The following TRHDE variants were observed in gnomAD, a reference collection of about 807,000 sequenced individuals.
TRHDE encodes the protein thyrotropin-releasing hormone-degrading ectoenzyme.
TRHDE carries 72 observed loss-of-function variants against 125.7 expected under a neutral mutation model. The observed-to-expected ratio is 0.57, with a 90% CI of 0.47 to 0.70. The LOEUF (loss-of-function observed/expected upper bound fraction) is 0.70, where lower values mean the gene tolerates loss of function less well. Among genes scored for constraint, TRHDE ranks in the 30% least tolerant of loss-of-function variants. TRHDE has a pLI of 0.00. For missense variants in TRHDE, 1,110 were observed against 1,327.1 expected, an observed-to-expected ratio of 0.84 and a Z score of 2.54; for synonymous variants, 509 against 509.1, an observed-to-expected ratio of 1.00 and a Z score of 0.00.
intron 2 of TRHDE, among the ~76,000 whole-genome samples, chr12:72,136,123 G>A (rs779992153): frequency 6.6e-6 from 1 of 152,142 alleles, no homozygotes; most frequent in Non-Finnish European, 1.5e-5. Context: ...GGCTGGGGAA[G>A]GGACTATGTC....
chr12:72,249,087 TA>T (rs1565672499), intron 2 of TRHDE, among the ~76,000 whole-genome samples: 1 of 152,152 alleles, frequency 6.6e-6, no homozygotes, highest in Non-Finnish European at 1.5e-5. Flanking sequence ...GATGTAACTA[TA>T]ACACATCTAG....
At chr12:72,405,573 T>G (rs578242895) in intron 3 of TRHDE, among the ~76,000 whole-genome samples, 3 of 152,168 alleles carry the variant, frequency 2.0e-5, no homozygotes, top group Non-Finnish European at 4.4e-5. Flanking sequence ...TAATTTTCTA[T>G]CCAAAGTCTT....
intron 12 of TRHDE, among the ~76,000 whole-genome samples, chr12:72,601,465 C>T (rs561808327): frequency 6.6e-6 from 1 of 152,224 alleles, no homozygotes; most frequent in South Asian, 2.1e-4. Context: ...TTACATAAAA[C>T]TTGCTTGATT....
chr12:72,112,087 G>T (rs758393843), intron 2 of TRHDE, among the ~76,000 whole-genome samples: 1 of 152,090 alleles, frequency 6.6e-6, no homozygotes, highest in Admixed American at 6.6e-5. Flanking sequence ...AAAAAGATTC[G>T]CTCATTATCT....
chr12:72,511,480 T>C (rs1202447051), intron 6 of TRHDE, among the ~76,000 whole-genome samples: 1 of 152,190 alleles, frequency 6.6e-6, no homozygotes, highest in Non-Finnish European at 1.5e-5. Context: ...TTATTCCTTT[T>C]CTTTGTTACC....
intron 2 of TRHDE, among the ~76,000 whole-genome samples, chr12:72,152,399 G>A (rs1876389815): frequency 6.6e-6 from 1 of 151,728 alleles, no homozygotes; most frequent in African/African-American, 2.4e-5. Flanking sequence ...TCCTTCTCCT[G>A]CCTCATTGCC....
chr12:72,500,638 C>T (rs1361600128), intron 6 of TRHDE, among the ~76,000 whole-genome samples: 11 of 151,984 alleles, frequency 7.2e-5, no homozygotes, highest in African/African-American at 2.7e-4. Context: ...GTAATCCACC[C>T]GCCTCTGCCT....
rs529668134 is a variant in TRHDE, at chr12:72,178,145, A to G, written n.279+72393A>G. ...AGATGATTCAGAAGCTTTTTTGATT[A>G]AATAATCTATGCTTCTAAGTTGAAA... On this transcript the variant is annotated intron_variant and non_coding_transcript_variant, in intron 2 of 4. Transcript: ENST00000548156. Among the ~76,000 whole-genome samples, 6 of 152,226 alleles carry G rather than the reference A, an allele frequency of 3.9e-5. No homozygotes were observed. The South Asian group carries it at 1.2e-3, about 32-fold the overall frequency.
rs370083904 is a variant in TRHDE, at chr12:72,563,371, T to A, written c.2042+331T>A. On this transcript the variant is annotated intron_variant, in intron 9 of 18. Coordinates refer to ENST00000261180, the MANE Select transcript of TRHDE (RefSeq NM_013381.3). Reference sequence around the variant, plus strand: ...AGAAGTTAAAATGTGTTGCTGTGAATTAAAAGGAATTGAGCAAACTGTGAG... The same window carrying A: ...AGAAGTTAAAATGTGTTGCTGTGAAATAAAAGGAATTGAGCAAACTGTGAG... Among the ~76,000 whole-genome samples, 4 of 152,278 alleles carry A rather than the reference T, an allele frequency of 2.6e-5. No individual in the cohort carries two copies. The South Asian group carries it at 6.2e-4, about 24-fold the overall frequency.
At chr12:72,342,634 A>G (rs189421449) in intron 2 of TRHDE, among the ~76,000 whole-genome samples, 55 of 152,270 alleles carry the variant, frequency 3.6e-4, no homozygotes, top group African/African-American at 1.2e-3. Context: ...TATATATTTT[A>G]TAAGTAGATT....
intron 3 of TRHDE, among the ~76,000 whole-genome samples, chr12:72,436,484 A>G (rs886727656): frequency 6.6e-6 from 1 of 151,996 alleles, no homozygotes; most frequent in African/African-American, 2.4e-5. Flanking sequence ...TAATTATTTA[A>G]TTGGGATTAT....
At chr12:72,420,655 C>T (rs867700227) in intron 3 of TRHDE, among the ~76,000 whole-genome samples, 8 of 152,156 alleles carry the variant, frequency 5.3e-5, no homozygotes, top group South Asian at 4.2e-4. Flanking sequence ...GGGTTCAATT[C>T]CACCAGAGTT....
At chr12:72,407,712 T>C (rs529599236) in intron 3 of TRHDE, among the ~76,000 whole-genome samples, 3 of 152,326 alleles carry the variant, frequency 2.0e-5, no homozygotes, top group South Asian at 2.1e-4. Context: ...GTTTGTCAAA[T>C]GAGTTAAACT....
chr12:72,484,095 A>T (rs571779945), intron 5 of TRHDE, among the ~76,000 whole-genome samples: 1 of 152,220 alleles, frequency 6.6e-6, no homozygotes, highest in Non-Finnish European at 1.5e-5. Context: ...CAGAAATATA[A>T]TCTGTTTAAG....
intron 2 of TRHDE, among the ~76,000 whole-genome samples, chr12:72,150,772 C>T (rs552655569): frequency 1.6e-3 from 249 of 152,048 alleles, no homozygotes; most frequent in Non-Finnish European, 2.6e-3. Flanking sequence ...TGTATATGTG[C>T]CACATTTTCT....
intron 1 of TRHDE, among the ~76,000 whole-genome samples, chr12:72,105,099 G>A (rs970602354): frequency 6.6e-6 from 1 of 152,158 alleles, no homozygotes; most frequent in African/African-American, 2.4e-5. Flanking sequence ...AAGGAAGTGG[G>A]CCTCAGACTT....
chr12:72,619,175 TTGTC>T, intron 13 of TRHDE, 137 bp downstream of exon 13: 2 of 585,992 alleles, frequency 3.4e-6, no homozygotes, highest in Non-Finnish European at 5.4e-6. Context: ...TTTGTCCTGA[TTGTC>T]TATGCAACAC....
chr12:72,367,306 A>G (rs1293612393), intron 2 of TRHDE, among the ~76,000 whole-genome samples: 1 of 151,996 alleles, frequency 6.6e-6, no homozygotes, highest in Non-Finnish European at 1.5e-5. Flanking sequence ...GTTTTCAATC[A>G]TGTCACTCTG....
intron 2 of TRHDE, among the ~76,000 whole-genome samples, chr12:72,154,298 A>G (rs913415427): frequency 5.3e-5 from 8 of 152,110 alleles, no homozygotes; most frequent in Admixed American, 3.3e-4. Flanking sequence ...GTCTCTGCAC[A>G]TGAGATGGGT....
Sources: allele counts gnomAD v4.1 joint callset (sites outside exome capture counted in the v4.1 genomes callset), GRCh38; gene constraint gnomAD v4.1.1; transcripts MANE v1.5; gene names NCBI Gene and HGNC (gene_info 2026-07-23, HGNC 2026-07-21).